Variants in PCDHGA3 observed in about 807,000 individuals in gnomAD.
PCDHGA3 encodes the protein protocadherin gamma-A3.
Under a neutral mutation model 58.5 loss-of-function variants are expected in PCDHGA3, and 40 were observed. That is an observed-to-expected ratio of 0.68 (90% CI 0.53 to 0.89). The LOEUF (loss-of-function observed/expected upper bound fraction) is 0.89, where lower values mean the gene tolerates loss of function less well. PCDHGA3 is among the 40% of genes least tolerant of loss of function. The pLI is 0.00. For synonymous variants in PCDHGA3, 530 were observed against 525.7 expected (o/e 1.01, Z -0.11); for missense variants, 1,223 against 1,195.9 (o/e 1.02, Z -0.33).
intron 1 of PCDHGA3, among the ~76,000 whole-genome samples, chr5:141,448,086 T>TA (rs558292628): frequency 0.011 from 1,579 of 146,268 alleles, 11 homozygotes; most frequent in Non-Finnish European, 0.016. Context: ...AATGCCATCT[T>TA]AAAAAAAAAA....
intron 1 of PCDHGA3, chr5:141,415,324 G>A (rs2095854761): frequency 1.9e-6 from 3 of 1,614,108 alleles, no homozygotes; most frequent in African/African-American, 2.7e-5. Flanking sequence ...CGTGCTGCTG[G>A]CGCACAGGCT....
intron 1 of PCDHGA3, chr5:141,360,309 C>A: frequency 6.2e-7 from 1 of 1,613,980 alleles, no homozygotes; most frequent in Non-Finnish European, 8.5e-7. Flanking sequence ...GGCTCAGCGT[C>A]CGGGACTTGC....
rs745697154 is a variant in PCDHGA3 at position 141,351,532 on chromosome 5, C to T, written c.2424+5075C>T. On this transcript the variant is annotated intron_variant, in intron 1 of 3. Transcript: ENST00000253812. ...TCACAATCATAGCCACCGACAAGGGCAAACCAGCCCTTTCCTCCAGGACAA... is the reference window on the plus strand; with the variant it reads ...TCACAATCATAGCCACCGACAAGGGTAAACCAGCCCTTTCCTCCAGGACAA... 4 of 1,613,928 alleles carry T rather than the reference C, an allele frequency of 2.5e-6. No homozygotes were observed. The African/African-American group carries it at 4.0e-5, about 16-fold the overall frequency.
intron 1 of PCDHGA3, among the ~76,000 whole-genome samples, chr5:141,407,382 A>G (rs1158380926): frequency 6.6e-6 from 1 of 152,218 alleles, no homozygotes; most frequent in Non-Finnish European, 1.5e-5. Context: ...GAAGGCTTGT[A>G]TGTCATGGTA....
rs781521367 is a variant in PCDHGA3 at position 141,344,480 on chromosome 5, A to G, written c.447A>G (p.Gly149=). ...EIKIGELTVP[G]TRFPIKTAFD... ...AAATTGGTGAACTAACGGTTCCTGG[A>G]ACCCGATTTCCAATTAAAACTGCTT... Residue 149 remains glycine, a synonymous_variant, in exon 1 of 4, where the codon GGA becomes GGG. Transcript: ENST00000253812. 6.2e-6 allele frequency: 10 copies of G among 1,613,848 alleles called. No individual in the cohort carries two copies. The highest frequency in any genetic ancestry group is 5.0e-5 in the Admixed American group (3 of 60,010).
At chr5:141,467,628 C>G (rs181245841) in intron 1 of PCDHGA3, among the ~76,000 whole-genome samples, 49 of 152,224 alleles carry the variant, frequency 3.2e-4, no homozygotes, top group African/African-American at 1.1e-3. Context: ...TTTGAGATAG[C>G]ATCTTTATCA....
At chr5:141,438,629 TATATATACAC>T (rs1412065186) in intron 1 of PCDHGA3, among the ~76,000 whole-genome samples, 590 of 47,950 alleles carry the variant, frequency 0.012, no homozygotes, top group African/African-American at 0.039. Flanking sequence ...TATATATATA[TATATATACAC>T]ACACACACAC....
intron 1 of PCDHGA3, chr5:141,414,831 G>A (rs1230752323): frequency 1.9e-6 from 3 of 1,614,212 alleles, no homozygotes; most frequent in Admixed American, 1.7e-5. Flanking sequence ...ACGTGTCGTT[G>A]AGCCTGTTTG....
rs371350905 is a variant in PCDHGA3 at position 141,476,860 on chromosome 5, G to A, written c.2425-17947G>A. The A allele has an allele frequency of 6.7e-5, 108 of 1,613,762 alleles. No individual in the cohort carries two copies. The highest frequency in any genetic ancestry group is 1.6e-4 in the East Asian group (7 of 44,884). ...ATGCGCCTGTCTTCAACCAGTCCTT[G>A]TACCGGGCGCGCGTCCTGGAGGATG... is the stretch of plus-strand genomic sequence containing the variant. On this transcript the variant is annotated intron_variant, in intron 1 of 3. Transcript: ENST00000253812. This position sits in a 1 kb window ranked among gnomAD's most constrained non-coding sequence, Gnocchi z 7.6.
intron 1 of PCDHGA3, among the ~76,000 whole-genome samples, chr5:141,358,789 G>A (rs1467414282): frequency 1.3e-5 from 2 of 152,156 alleles, no homozygotes; most frequent in Non-Finnish European, 2.9e-5. Flanking sequence ...AGTTACTTGG[G>A]TTCTGGACTG....
intron 1 of PCDHGA3, chr5:141,428,021 C>T: frequency 1.2e-6 from 2 of 1,605,604 alleles, no homozygotes; most frequent in Non-Finnish European, 1.7e-6. Context: ...TGCCACGCGC[C>T]GCAGAGTCCG....
intron 1 of PCDHGA3, among the ~76,000 whole-genome samples, chr5:141,474,970 A>C (rs1309289477): frequency 6.6e-6 from 1 of 152,212 alleles, no homozygotes; most frequent in Admixed American, 6.5e-5. Context: ...TAATCATTAT[A>C]ATTTTGTTTG....
At chr5:141,348,061 A>G (rs1211448391) in intron 1 of PCDHGA3, among the ~76,000 whole-genome samples, 2 of 152,206 alleles carry the variant, frequency 1.3e-5, no homozygotes, top group Admixed American at 6.5e-5. Context: ...TTCTTTTGTC[A>G]TGTTCTACAA....
chr5:141,376,763 T>A (rs1300525391), intron 1 of PCDHGA3: 1 of 425,102 alleles, frequency 2.4e-6, no homozygotes. Context: ...CTCGGCTCAC[T>A]GCAAGCTCCG....
At chr5:141,404,484 C>G in intron 1 of PCDHGA3, 1 of 1,613,504 alleles carries the variant, frequency 6.2e-7, no homozygotes, top group East Asian at 2.2e-5. Context: ...AACTCAGACA[C>G]TGGTGTGCTG....
intron 1 of PCDHGA3, chr5:141,390,167 G>A: frequency 6.2e-7 from 1 of 1,614,028 alleles, no homozygotes; most frequent in Non-Finnish European, 8.5e-7. Context: ...GAAAGACGGA[G>A]TTTAATTTCC....
intron 1 of PCDHGA3, chr5:141,352,382 G>A: frequency 6.2e-7 from 1 of 1,614,026 alleles, no homozygotes; most frequent in South Asian, 1.1e-5. Flanking sequence ...TCTAGCGATC[G>A]CCCTGCGCCT....
At chr5:141,501,540 A>G (rs151047391) in intron 2 of PCDHGA3, among the ~76,000 whole-genome samples, 2 of 152,138 alleles carry the variant, frequency 1.3e-5, no homozygotes, top group East Asian at 3.9e-4. Flanking sequence ...GTTGTTGTGC[A>G]TAAGATCATA....
chr5:141,478,612 G>A (rs1311028260), intron 1 of PCDHGA3: 2 of 1,558,218 alleles, frequency 1.3e-6, no homozygotes, highest in African/African-American at 1.4e-5. Flanking sequence ...TATTGAGGAA[G>A]GAATGGAGCT....
Sources: allele counts gnomAD v4.1 joint callset (sites outside exome capture counted in the v4.1 genomes callset), GRCh38; gene constraint gnomAD v4.1.1; non-coding constraint Gnocchi (gnomAD v3.1); transcripts MANE v1.5; gene names NCBI Gene and HGNC (gene_info 2026-07-23, HGNC 2026-07-21).